EDA: variants seen among roughly 807,000 people sequenced by gnomAD.
EDA encodes ectodysplasin A.
EDA carries 2 observed loss-of-function variants against 23.6 expected under a neutral mutation model. The observed-to-expected ratio is 0.08, with a 90% CI of 0.03 to 0.27. EDA has a LOEUF of 0.27. Ranked by LOEUF, EDA falls within the 10% of genes least tolerant of loss-of-function variation. The pLI is 1.00. For missense variants in EDA, 229 were observed against 324.2 expected, an observed-to-expected ratio of 0.71 and a Z score of 2.26; for synonymous variants, 131 against 132.0, an observed-to-expected ratio of 0.99 and a Z score of 0.05.
At chrX:69,841,182 A>G (rs948412843) in intron 1 of EDA, among the ~76,000 whole-genome samples, 1 of 112,192 alleles carries the variant, frequency 8.9e-6, no homozygotes, top group African/African-American at 3.2e-5. Context: ...TAAATAATGT[A>G]TCTAAAATTC....
intron 1 of EDA, among the ~76,000 whole-genome samples, chrX:69,818,598 C>T (rs892545683): frequency 1.8e-5 from 2 of 111,546 alleles, no homozygotes; most frequent in Non-Finnish European, 3.8e-5. Flanking sequence ...CCTCTATGCA[C>T]ATAAACTAGA....
chrX:69,792,153 C>T (rs2015422903), intron 1 of EDA, among the ~76,000 whole-genome samples: 1 of 110,913 alleles, frequency 9.0e-6, no homozygotes, highest in Non-Finnish European at 1.9e-5. Context: ...TCCATTATAT[C>T]ATTCTTATGC....
At chrX:69,798,625 C>T (rs1253060933) in intron 1 of EDA, among the ~76,000 whole-genome samples, 2 of 110,529 alleles carry the variant, frequency 1.8e-5, no homozygotes, top group East Asian at 2.8e-4. Context: ...AAAATGAAAA[C>T]GGAAACACAA....
At chrX:69,783,259 A>G (rs1402912455) in intron 1 of EDA, among the ~76,000 whole-genome samples, 1 of 110,872 alleles carries the variant, frequency 9.0e-6, no homozygotes, top group African/African-American at 3.3e-5. Context: ...ATGACAGAAG[A>G]GATTTTTTTT....
chrX:70,029,706 C>T lies in EDA; in HGVS notation c.741+168C>T, dbSNP rs16991043. On this transcript the variant is annotated intron_variant, in intron 5 of 7. Transcript: ENST00000374552. Reference sequence around the variant, plus strand: ...CCTCCCATCTCTATGAATAGAAAAGCTTTGCCCCAGGGCATGTTTTTAGCT... The same window carrying T: ...CCTCCCATCTCTATGAATAGAAAAGTTTTGCCCCAGGGCATGTTTTTAGCT... Among the ~76,000 whole-genome samples, 2,346 of 112,820 alleles carry T rather than the reference C, an allele frequency of 0.021. 59 individuals are homozygous for T. Among genetic ancestry groups the T allele is most frequent in the African/African-American group, 0.072 (2,243 of 31,055 alleles).
At chrX:69,955,502 G>A (rs1337272652) in intron 1 of EDA, among the ~76,000 whole-genome samples, 1 of 111,448 alleles carries the variant, frequency 9.0e-6, no homozygotes, top group African/African-American at 3.3e-5. Flanking sequence ...GAATATTGGG[G>A]CTTTCTTGGG....
intron 1 of EDA, among the ~76,000 whole-genome samples, chrX:69,787,150 C>T (rs1413611409): frequency 1.0e-5 from 1 of 98,930 alleles, no homozygotes; most frequent in African/African-American, 3.6e-5. Context: ...CTTGGTAGAT[C>T]TTCCTCCATC....
At chrX:69,795,997 C>T (rs1057041041) in intron 1 of EDA, among the ~76,000 whole-genome samples, 2 of 111,942 alleles carry the variant, frequency 1.8e-5, no homozygotes, top group African/African-American at 6.5e-5. Flanking sequence ...TGCCACTCCA[C>T]CACCTGCATA....
chrX:69,672,757 C>G (rs1206862804), intron 1 of EDA, among the ~76,000 whole-genome samples: 1 of 110,606 alleles, frequency 9.0e-6, no homozygotes, highest in Non-Finnish European at 1.9e-5. Flanking sequence ...TGGTGGGCAC[C>G]TGTAGTCCCA....
chrX:69,632,217 C>G (rs931777603), intron 1 of EDA, among the ~76,000 whole-genome samples: 1 of 111,570 alleles, frequency 9.0e-6, no homozygotes, highest in Non-Finnish European at 1.9e-5. Context: ...CCAGTAAAAT[C>G]AAAGAGCAGT....
intron 6 of EDA, 47 bp from the exon 7 acceptor site, chrX:70,033,351 C>G: frequency 1.7e-6 from 2 of 1,209,033 alleles, no homozygotes; most frequent in Non-Finnish European, 2.2e-6. Context: ...TCTGTTGCCT[C>G]GATTATTCTG....
chrX:69,635,399 A>G (rs1171555524), intron 1 of EDA, among the ~76,000 whole-genome samples: 3 of 110,124 alleles, frequency 2.7e-5, no homozygotes, highest in Admixed American at 1.9e-4. Flanking sequence ...ACTTGAAATC[A>G]ATTTATCCTA....
intron 2 of EDA, among the ~76,000 whole-genome samples, chrX:70,010,493 T>C (rs2019860536): frequency 8.9e-6 from 1 of 112,158 alleles, no homozygotes; most frequent in Non-Finnish European, 1.9e-5. Context: ...TCTACCTGTG[T>C]CTTTATATTT....
chrX:69,878,750 C>T (rs1392909052), intron 1 of EDA, among the ~76,000 whole-genome samples: 2 of 101,653 alleles, frequency 2.0e-5, no homozygotes, highest in African/African-American at 7.4e-5. Flanking sequence ...ACACACACAC[C>T]GCAAAGAAAC....
At chrX:69,708,410 G>C (rs1416385799) in intron 1 of EDA, among the ~76,000 whole-genome samples, 1 of 111,345 alleles carries the variant, frequency 9.0e-6, no homozygotes, top group Non-Finnish European at 1.9e-5. Flanking sequence ...TGGGCTTTTG[G>C]TTAGTTTTTA....
At chrX:69,950,308 G>C (rs1372032181) in intron 1 of EDA, among the ~76,000 whole-genome samples, 41 of 82,487 alleles carry the variant, frequency 5.0e-4, no homozygotes, top group African/African-American at 1.9e-3. Context: ...CTCAAAAGAA[G>C]ACATTTATGC....
intron 1 of EDA, among the ~76,000 whole-genome samples, chrX:69,705,423 A>G (rs887976274): frequency 9.0e-6 from 1 of 110,602 alleles, no homozygotes; most frequent in African/African-American, 3.3e-5. Context: ...AACATCATCT[A>G]TTCTCTAAGG....
intron 1 of EDA, among the ~76,000 whole-genome samples, chrX:69,633,311 A>G (rs995383871): frequency 4.5e-5 from 5 of 112,339 alleles, no homozygotes; most frequent in Admixed American, 1.9e-4. Context: ...TCCTCAGTGA[A>G]TATTTATTAT....
At position 69,679,620 on chromosome X, in the gene EDA, C is replaced by T. The variant is rs763899981; in HGVS notation, c.396+62916C>T. 5.4e-5 allele frequency among the ~76,000 whole-genome samples: 6 copies of T among 111,418 alleles called. No homozygotes were observed. In the East Asian group the frequency reaches 1.7e-3, roughly 32 times the overall value. ...AGTGTATTTGTGTAGAGGTGTTTGT[C>T]GTATTCTCTGATGGTAGTTTGTATT... On this transcript the variant is annotated intron_variant, in intron 1 of 7. Coordinates refer to ENST00000374552, the MANE Select transcript of EDA (RefSeq NM_001399.5).
Sources: gnomAD v4.1 joint callset for allele counts (sites outside exome capture counted in the v4.1 genomes callset) on GRCh38, gnomAD v4.1.1 for gene constraint, MANE v1.5 for transcripts, NCBI Gene and HGNC (gene_info 2026-07-23, HGNC 2026-07-21) for gene names.